The following PRKD1 variants were observed in gnomAD, a reference collection of about 807,000 sequenced individuals.
The protein encoded by PRKD1 is protein kinase D1.
A neutral mutation model predicts 95.9 loss-of-function variants in PRKD1; 63 were observed. That is an observed-to-expected ratio of 0.66 (90% CI 0.54 to 0.81). The LOEUF (loss-of-function observed/expected upper bound fraction) is 0.81. Ranked by LOEUF, PRKD1 falls within the 30% of genes least tolerant of loss-of-function variation. The probability of loss-of-function intolerance (pLI) is 0.00; values close to 1 mark genes in which losing one functional copy is unlikely to be tolerated. For synonymous variants in PRKD1, 425 were observed against 423.1 expected (o/e 1.00, Z -0.05); for missense variants, 1,048 against 1,165.3 (o/e 0.90, Z 1.47).
Position 29,589,512 on chromosome 14 carries a change from C to T in PRKD1, c.2434+7979G>A, listed in dbSNP as rs566680585. 9.9e-5 allele frequency among the ~76,000 whole-genome samples: 15 copies of T among 152,270 alleles called. No individual in the cohort carries two copies. In the South Asian group the frequency reaches 3.1e-3, roughly 32 times the overall value. ...CACACTTGACTATTCTTTGTGTGGA[C>T]ATGATAGTTGAGTGACTTAAGATTG... On this transcript the variant is annotated intron_variant, in intron 16 of 17. Transcript: ENST00000331968.
intron 1 of PRKD1, among the ~76,000 whole-genome samples, chr14:29,792,685 A>G (rs941081217): frequency 2.6e-4 from 39 of 152,238 alleles, no homozygotes; most frequent in African/African-American, 8.7e-4. Flanking sequence ...GTGCCAAGAC[A>G]TGGCATTGTT....
chr14:29,750,635 C>CACACAT (rs1887438448), intron 1 of PRKD1, among the ~76,000 whole-genome samples: 1 of 151,912 alleles, frequency 6.6e-6, no homozygotes, highest in African/African-American at 2.4e-5. Context: ...CACACACACA[C>CACACAT]ACTCACACTC....
intron 1 of PRKD1, among the ~76,000 whole-genome samples, chr14:29,784,041 G>C (rs1889162256): frequency 6.6e-6 from 1 of 152,054 alleles, no homozygotes; most frequent in Non-Finnish European, 1.5e-5. Context: ...TAAAATCTTT[G>C]CTTAGACCAA....
At chr14:29,585,370 G>A (rs185950809) in intron 16 of PRKD1, among the ~76,000 whole-genome samples, 9 of 152,138 alleles carry the variant, frequency 5.9e-5, no homozygotes, top group South Asian at 2.1e-4. Flanking sequence ...GACTCGAGTC[G>A]GCATCTTTCC....
chr14:29,655,966 A>G (rs1434915508), intron 4 of PRKD1, among the ~76,000 whole-genome samples: 2 of 151,516 alleles, frequency 1.3e-5, no homozygotes, highest in African/African-American at 4.8e-5. Context: ...AGAAAAGGTA[A>G]GTTCAGGAAC....
chr14:29,699,954 G>T (rs1399150547), intron 2 of PRKD1, among the ~76,000 whole-genome samples: 4 of 152,052 alleles, frequency 2.6e-5, no homozygotes, highest in African/African-American at 4.8e-5. Flanking sequence ...CTTTTGGAAT[G>T]TATTCTTTTT....
At chr14:29,685,187 T>G (rs1384845717) in intron 2 of PRKD1, among the ~76,000 whole-genome samples, 1 of 152,190 alleles carries the variant, frequency 6.6e-6, no homozygotes, top group Non-Finnish European at 1.5e-5. Flanking sequence ...TTGACTGCCC[T>G]TGGGGATAGG....
At chr14:29,673,475 T>C (rs1033880659) in intron 2 of PRKD1, among the ~76,000 whole-genome samples, 1 of 152,214 alleles carries the variant, frequency 6.6e-6, no homozygotes, top group African/African-American at 2.4e-5. Flanking sequence ...GGGATATGCC[T>C]ACCCCCACCT....
At chr14:29,693,803 C>T (rs1884371601) in intron 2 of PRKD1, among the ~76,000 whole-genome samples, 1 of 152,122 alleles carries the variant, frequency 6.6e-6, no homozygotes, top group East Asian at 1.9e-4. Flanking sequence ...AACATTATCA[C>T]TCACAGACTG....
At chr14:29,848,456 A>G (rs376804367) in intron 1 of PRKD1, among the ~76,000 whole-genome samples, 1 of 152,134 alleles carries the variant, frequency 6.6e-6, no homozygotes, top group African/African-American at 2.4e-5. Context: ...AACTGCATAT[A>G]TGGGGAAAAT....
intron 2 of PRKD1, among the ~76,000 whole-genome samples, chr14:29,712,597 T>C (rs751470815): frequency 7.9e-5 from 12 of 152,172 alleles, no homozygotes; most frequent in Non-Finnish European, 1.3e-4. Context: ...TAGCAGACTA[T>C]AGATGTCTTG....
At chr14:29,633,157 C>T (rs548253822) in intron 8 of PRKD1, among the ~76,000 whole-genome samples, 2 of 152,036 alleles carry the variant, frequency 1.3e-5, no homozygotes, top group East Asian at 1.9e-4. Flanking sequence ...GTTACAGGGT[C>T]GTGAGTAATA....
chr14:29,742,574 T>C (rs1041684528), intron 1 of PRKD1, among the ~76,000 whole-genome samples: 3 of 151,940 alleles, frequency 2.0e-5, no homozygotes, highest in Non-Finnish European at 2.9e-5. Flanking sequence ...CAGTAAAAAA[T>C]AGCAAGTTAC....
At chr14:29,597,418 TTAAA>T (rs1893347510) in intron 16 of PRKD1, 69 bp downstream of exon 16, 3 of 1,348,222 alleles carry the variant, frequency 2.2e-6, no homozygotes, top group Admixed American at 2.5e-5. Context: ...TAATTTACAA[TTAAA>T]TTAATTTAAA....
intron 1 of PRKD1, among the ~76,000 whole-genome samples, chr14:29,908,114 C>A (rs1183520451): frequency 3.5e-5 from 5 of 144,660 alleles, no homozygotes; most frequent in African/African-American, 1.3e-4. Flanking sequence ...CTTACATCAT[C>A]TTGATCTTTC....
At chr14:29,859,758 CTAAT>C (rs1363471057) in intron 1 of PRKD1, among the ~76,000 whole-genome samples, 5 of 152,152 alleles carry the variant, frequency 3.3e-5, no homozygotes, top group African/African-American at 1.2e-4. Context: ...AATTTATTAA[CTAAT>C]TACTATGAAG....
intron 1 of PRKD1, among the ~76,000 whole-genome samples, chr14:29,766,801 G>C (rs7142430): frequency 0.02 from 3,069 of 152,146 alleles, 105 homozygotes; most frequent in Admixed American, 0.087. Context: ...AGCTATTTGG[G>C]GGACAGAGGA....
At chr14:29,650,824 A>T (rs1881447717) in intron 4 of PRKD1, among the ~76,000 whole-genome samples, 1 of 152,248 alleles carries the variant, frequency 6.6e-6, no homozygotes, top group Non-Finnish European at 1.5e-5. Context: ...GCTGCACAGC[A>T]AGAAGAAAAA....
intron 1 of PRKD1, among the ~76,000 whole-genome samples, chr14:29,771,902 T>C (rs1888525229): frequency 6.6e-6 from 1 of 152,238 alleles, no homozygotes; most frequent in Non-Finnish European, 1.5e-5. Flanking sequence ...ACTTGTACTC[T>C]TTTCTTCCTT....
Sources: allele counts gnomAD v4.1 joint callset (sites outside exome capture counted in the v4.1 genomes callset), GRCh38; gene constraint gnomAD v4.1.1; transcripts MANE v1.5; gene names NCBI Gene and HGNC (gene_info 2026-07-23, HGNC 2026-07-21).